Variants in PTPN12 observed in about 807,000 individuals in gnomAD.
The protein encoded by PTPN12 is protein tyrosine phosphatase non-receptor type 12, also known as tyrosine-protein phosphatase non-receptor type 12.
A neutral mutation model predicts 97.6 loss-of-function variants in PTPN12; 29 were observed. The observed-to-expected ratio is 0.30, with a 90% confidence interval of 0.22 to 0.41. The LOEUF is 0.41. Among genes scored for constraint, PTPN12 ranks in the 10% least tolerant of loss-of-function variants. The probability of loss-of-function intolerance (pLI) is 1.00; values close to 1 mark genes in which losing one functional copy is unlikely to be tolerated. For missense variants in PTPN12, 819 were observed against 926.0 expected (o/e 0.88, Z 1.50); for synonymous variants, 327 against 300.4 (o/e 1.09, Z -0.91).
rs1043856190 is a variant in PTPN12 at position 77,591,152 on chromosome 7, A to T, written c.421-1033A>T. On this transcript the variant is annotated intron_variant, in intron 5 of 17. Transcript: ENST00000248594. ...AATGTTAGCTAACCCAACATACCAG[A>T]CAGTTCTACTTTGTTTCTCTGTGAG... Among the ~76,000 whole-genome samples, 5 of 152,342 alleles carry T rather than the reference A, an allele frequency of 3.3e-5. No homozygotes were observed. In the South Asian group the frequency reaches 1.0e-3, roughly 32 times the overall value.
chr7:77,605,744 C>A (rs118102496), intron 8 of PTPN12, among the ~76,000 whole-genome samples: 2,789 of 151,852 alleles, frequency 0.018, 34 homozygotes, highest in Middle Eastern at 0.071. Flanking sequence ...AATAAAAAAA[C>A]CTATGGTATG....
intron 8 of PTPN12, among the ~76,000 whole-genome samples, chr7:77,602,490 C>T (rs1382677019): frequency 6.6e-6 from 1 of 151,638 alleles, no homozygotes; most frequent in African/African-American, 2.4e-5. Context: ...GTGTCATGAC[C>T]GGGTATAGTG....
intron 16 of PTPN12, among the ~76,000 whole-genome samples, chr7:77,638,412 C>G (rs1011587972): frequency 1.3e-5 from 2 of 152,234 alleles, no homozygotes; most frequent in Non-Finnish European, 2.9e-5. Flanking sequence ...GAAGTACTCA[C>G]TGCAGATTTC....
intron 1 of PTPN12, among the ~76,000 whole-genome samples, chr7:77,540,175 G>C (rs894325348): frequency 2.0e-5 from 3 of 151,986 alleles, no homozygotes; most frequent in Admixed American, 2.0e-4. Flanking sequence ...TGGCCTTAGG[G>C]TTCATGCTTT....
chr7:77,541,758 CTA>C (rs1477311976), intron 1 of PTPN12, among the ~76,000 whole-genome samples: 1 of 152,144 alleles, frequency 6.6e-6, no homozygotes, highest in Non-Finnish European at 1.5e-5. Flanking sequence ...CTATGAGTGT[CTA>C]TTCCTGGCCT....
In PTPN12 at chr7:77,611,981, AT is replaced by A. The variant is rs370589017; in HGVS notation, c.939+951del. Among the ~76,000 whole-genome samples, 1,050 of 139,962 alleles carry A rather than the reference AT, an allele frequency of 7.5e-3. 3 individuals carry two copies. The highest frequency in any genetic ancestry group is 0.017 in the African/African-American group (662 of 38,028). The allele number at this position is 139,962 out of a possible 152,430, so 91.8% of individuals were successfully genotyped here. ...CCACCTTGTCCCTGAAGGTGCTGAGATTTTTTTTTTTTTTTTGTAGAATTTG... is the reference window on the plus strand; with the variant it reads ...CCACCTTGTCCCTGAAGGTGCTGAGATTTTTTTTTTTTTTTGTAGAATTTG... On this transcript the variant is annotated intron_variant, in intron 11 of 17. Coordinates refer to ENST00000248594, the MANE Select transcript of PTPN12 (RefSeq NM_002835.4).
intron 1 of PTPN12, among the ~76,000 whole-genome samples, chr7:77,547,837 CAG>C (rs1807293625): frequency 6.6e-6 from 1 of 152,136 alleles, no homozygotes; most frequent in Non-Finnish European, 1.5e-5. Context: ...TGGAGATAAA[CAG>C]AGATAGAACT....
chr7:77,562,530 C>T (rs535269541), intron 1 of PTPN12, among the ~76,000 whole-genome samples: 123 of 152,170 alleles, frequency 8.1e-4, no homozygotes, highest in South Asian at 7.5e-3. Flanking sequence ...AAGACATAGT[C>T]GGGAGCCATA....
chr7:77,609,565 C>T (rs1177081432), intron 9 of PTPN12, among the ~76,000 whole-genome samples: 1 of 151,132 alleles, frequency 6.6e-6, no homozygotes, highest in Non-Finnish European at 1.5e-5. Context: ...CCACTGCACC[C>T]GGCCTAGTTG....
rs1806701172 is a variant in PTPN12, at chr7:77,537,355, T to C, written c.-192T>C. On this transcript the variant is annotated 5_prime_UTR_variant, in exon 1 of 18. Transcript: ENST00000248594. The stretch of plus-strand genomic sequence containing the variant: ...CGGCGGCTGCTCCTGGAAGTTGTGG[T>C]GTCGGGAGCCCAGCCGGTGCCGCCG... 1.7e-6 allele frequency: 1 copy of C among 600,514 alleles called. No homozygotes were observed. The highest frequency in any genetic ancestry group is 2.3e-5 in the African/African-American group (1 of 44,080). 37.2% of individuals were successfully genotyped at this position (600,514 alleles called of 1,614,324 possible). A position where few individuals can be genotyped will look rare whatever the true frequency, so the allele number is the denominator to read the frequency against.
chr7:77,569,629 G>T (rs572557627), intron 1 of PTPN12, among the ~76,000 whole-genome samples: 3 of 152,144 alleles, frequency 2.0e-5, no homozygotes, highest in Non-Finnish European at 2.9e-5. Context: ...AAATTAGCTG[G>T]ACCTGGTGGC....
chr7:77,558,487 A>G (rs1807831630), intron 1 of PTPN12, among the ~76,000 whole-genome samples: 1 of 152,232 alleles, frequency 6.6e-6, no homozygotes, highest in Non-Finnish European at 1.5e-5. Flanking sequence ...AATAGCTATT[A>G]GTAAGGAGAC....
chr7:77,545,310 C>T (rs898393283), intron 1 of PTPN12, among the ~76,000 whole-genome samples: 15 of 152,262 alleles, frequency 9.9e-5, no homozygotes, highest in Admixed American at 9.2e-4. Flanking sequence ...TACTCACTTT[C>T]AAGTGGCAGC....
intron 9 of PTPN12, among the ~76,000 whole-genome samples, chr7:77,608,929 T>C (rs1788465472): frequency 6.6e-6 from 1 of 152,214 alleles, no homozygotes; most frequent in Non-Finnish European, 1.5e-5. Context: ...TTTTAAAAGT[T>C]GTGTATTTTG....
In PTPN12 at chr7:77,618,563, C is replaced by T. The variant is rs766946604; in HGVS notation, c.1023C>T (p.Arg341=). 3 of 1,594,210 alleles carry T rather than the reference C, an allele frequency of 1.9e-6. No individual in the cohort carries two copies. Among genetic ancestry groups the T allele is most frequent in the Non-Finnish European group, 1.7e-6 (2 of 1,163,186 alleles). The change falls in exon 12 of 18, where the codon CGC becomes CGT. Residue 341 remains arginine, a splice_region_variant and synonymous_variant. Transcript: ENST00000248594. ...CTCCTCCAAAACCACCAAGGACCCG[C>T]AGGTATTGTATGTCTTCGAACATTT... ...DSPPPKPPRT[R]SCLVEGDAKE...
intron 2 of PTPN12, among the ~76,000 whole-genome samples, chr7:77,575,865 T>G (rs1787326046): frequency 1.3e-5 from 2 of 152,200 alleles, no homozygotes; most frequent in Admixed American, 1.3e-4. Flanking sequence ...TAACAGTTTT[T>G]TTTTGAGATG....
chr7:77,538,440 G>A (rs1584075406), intron 1 of PTPN12, among the ~76,000 whole-genome samples: 1 of 151,782 alleles, frequency 6.6e-6, no homozygotes, highest in East Asian at 2.0e-4. Flanking sequence ...TTCCTATCCG[G>A]GGTGGGGGTG....
rs980306312 is a variant in PTPN12 at position 77,613,124 on chromosome 7, C to T, written c.939+2078C>T. On this transcript the variant is annotated intron_variant, in intron 11 of 17. Transcript: ENST00000248594. ...ATCTAAGTTGAGATATTTAATATTT[C>T]GAAAAGCTGAGTAGGCTATAAACAG... 2.0e-4 allele frequency among the ~76,000 whole-genome samples: 29 copies of T among 146,092 alleles called. 1 individual carries two copies. The highest frequency in any genetic ancestry group is 1.4e-3 in the Admixed American group (20 of 14,528).
intron 6 of PTPN12, among the ~76,000 whole-genome samples, chr7:77,592,983 A>G (rs973865164): frequency 6.6e-6 from 1 of 152,176 alleles, no homozygotes; most frequent in African/African-American, 2.4e-5. Context: ...AAATCAATTA[A>G]TTTAGGCCAG....
Sources: allele counts gnomAD v4.1 joint callset (sites outside exome capture counted in the v4.1 genomes callset), GRCh38; gene constraint gnomAD v4.1.1; transcripts MANE v1.5; gene names NCBI Gene and HGNC (gene_info 2026-07-23, HGNC 2026-07-21).